ATF6B: variants seen among roughly 807,000 people sequenced by gnomAD.
The protein encoded by ATF6B is cyclic AMP-dependent transcription factor ATF-6 beta.
A neutral mutation model predicts 83.5 loss-of-function variants in ATF6B; 50 were observed. The ratio of observed to expected loss-of-function variants is 0.60; its 90% CI spans 0.48 to 0.76. The LOEUF (loss-of-function observed/expected upper bound fraction) is 0.76. Among genes scored for constraint, ATF6B ranks in the 30% least tolerant of loss-of-function variants. The pLI is 0.00. For missense variants in ATF6B, 790 were observed against 893.8 expected (o/e 0.88, Z 1.48); for synonymous variants, 344 against 362.8 (o/e 0.95, Z 0.59).
At position 32,118,941 on chromosome 6, in the gene ATF6B, A is replaced by C; in HGVS notation, c.1152+15T>G. On this transcript the variant is annotated intron_variant, in intron 10 of 17. Transcript: ENST00000375203. This position sits in a 1 kb window ranked among gnomAD's most constrained non-coding sequence, Gnocchi z 5.2. ...CTGTATTCCTGTTGGTCTCCCAGGG[A>C]CAGACTGGTCTTACTTCAGCCAGCA... is the stretch of plus-strand genomic sequence containing the variant. The C allele has an allele frequency of 6.2e-7, 1 of 1,614,060 alleles. No individual in the cohort carries two copies. Among genetic ancestry groups the C allele is most frequent in the Non-Finnish European group, 8.5e-7 (1 of 1,179,930 alleles).
At position 32,127,150 on chromosome 6, in the gene ATF6B, A is replaced by G. The variant is rs1292946028; in HGVS notation, c.295T>C (p.Ser99Pro). ...SEPSSPCSSS[S>P]LSSESSRLST... ...AGACGCGATGACTCGGAGCTGAGGG[A>G]GGAGGAAGAGCAGGGGGAAGATGGC... Residue 99 changes from serine to proline, a missense_variant, in exon 4 of 18, where the codon TCC becomes CCC. Around this residue, in one of 3 missense-constraint regions of ATF6B, gnomAD observed 253 missense variants for 243.1 expected, o/e 1.04. Coordinates refer to ENST00000375203, the MANE Select transcript of ATF6B (RefSeq NM_004381.5). The G allele has an allele frequency of 1.2e-6, 2 of 1,611,758 alleles. No homozygotes were observed. Among genetic ancestry groups the G allele is most frequent in the South Asian group, 1.1e-5 (1 of 90,256 alleles).
chr6:32,127,545 G>A (rs199548620), intron 2 of ATF6B, 25 bp from the exon 3 acceptor site: 20 of 1,611,178 alleles, frequency 1.2e-5, no homozygotes, highest in East Asian at 2.2e-5. Flanking sequence ...ATACAAGAGG[G>A]CAGGAGTGTG....
chr6:32,117,128 G>A lies in ATF6B; in HGVS notation c.1615-21C>T. 6.2e-7 allele frequency: 1 copy of A among 1,611,926 alleles called. No individual in the cohort carries two copies. The highest frequency in any genetic ancestry group is 8.5e-7 in the Non-Finnish European group (1 of 1,178,086). On this transcript the variant is annotated intron_variant, in intron 14 of 17. Transcript: ENST00000375203. This position sits in a 1 kb window ranked among gnomAD's most constrained non-coding sequence, Gnocchi z 5.0. The stretch of plus-strand genomic sequence containing the variant: ...GACTTCTGGAAGGAGAAGTATCTAA[G>A]GACTTGGAGAGGGTGAAGGGAAAAG...
Position 32,126,106 on chromosome 6 carries a change from TG to T in ATF6B, c.478+10del, listed in dbSNP as rs1562913916. 14 of 1,614,044 alleles carry T rather than the reference TG, an allele frequency of 8.7e-6. No homozygotes were observed. The highest frequency in any genetic ancestry group is 1.2e-5 in the Non-Finnish European group (14 of 1,179,992). ...GTAGAGCCAAGGATTGGGGGCAGGCTGTTTTATTACCTGAGGAATCATCAGA... is the reference window on the plus strand; with the variant it reads ...GTAGAGCCAAGGATTGGGGGCAGGCTTTTTATTACCTGAGGAATCATCAGA... On this transcript the variant is annotated intron_variant, in intron 5 of 17. Transcript: ENST00000375203.
rs1337409147 is a variant in ATF6B, at chr6:32,115,741, A to G, written c.2110T>C (p.Ter704ArgextTer8). ...TAAGTCAGTGTGAATGGCAGAGGTC[A>G]GGGATGATTGAGGTAGAGGGGCTGG... ...SHQPLYLNHP* is the reference protein window; with the variant it reads ...SHQPLYLNHPR The change falls in exon 18 of 18, where the codon TGA becomes CGA. Residue 704 changes from the stop codon to arginine, a stop_lost. Coordinates refer to ENST00000375203, the MANE Select transcript of ATF6B (RefSeq NM_004381.5). 1 of 1,595,168 alleles carries G rather than the reference A, an allele frequency of 6.3e-7. No homozygotes were observed. Among genetic ancestry groups the G allele is most frequent in the Non-Finnish European group, 8.5e-7 (1 of 1,170,228 alleles).
rs1163017591 is a variant in ATF6B, at chr6:32,119,263, A to G, written c.967-122T>C. ...GGCCATTCCCCTGCCTTCCTGACCC[A>G]CCTACATAGCCAGAGAGGTTTTTCC... On this transcript the variant is annotated intron_variant, in intron 9 of 17. Coordinates refer to ENST00000375203, the MANE Select transcript of ATF6B (RefSeq NM_004381.5). This position sits in a 1 kb window ranked among gnomAD's most constrained non-coding sequence, Gnocchi z 4.9. The G allele has an allele frequency of 1.7e-6, 2 of 1,191,102 alleles. No homozygotes were observed. Among genetic ancestry groups the G allele is most frequent in the Admixed American group, 2.9e-5 (1 of 34,774 alleles). 73.8% of individuals were successfully genotyped at this position (1,191,102 alleles called of 1,614,324 possible).
rs1781980583 is a variant in ATF6B at position 32,126,340 on chromosome 6, T to C, written c.343-88A>G. ...ACAGTAAGAGCGAGAACAAAAGCTT[T>C]AGAAGTTTAGGGCTTACAAGCCATC... On this transcript the variant is annotated intron_variant, in intron 4 of 17. Coordinates refer to ENST00000375203, the MANE Select transcript of ATF6B (RefSeq NM_004381.5). 5 of 1,487,220 alleles carry C rather than the reference T, an allele frequency of 3.4e-6. No individual in the cohort carries two copies. The East Asian group carries it at 7.2e-5, about 21-fold the overall frequency. The allele number at this position is 1,487,220 out of a possible 1,614,324, so 92.1% of individuals were successfully genotyped here.
rs747553495 is a variant in ATF6B at position 32,127,161 on chromosome 6, CA to C, written c.283del (p.Cys95AlafsTer24). On this transcript the variant is annotated frameshift_variant, in exon 4 of 18. Transcript: ENST00000375203. LOFTEE classifies it high-confidence loss of function. ...LQVKSEPSSP[C>X]SSSSLSSESS... is the part of the protein sequence containing the mutation. ...CTCGGAGCTGAGGGAGGAGGAAGAGCAGGGGGAAGATGGCTCAGACTTCACC... is the reference window on the plus strand; with the variant it reads ...CTCGGAGCTGAGGGAGGAGGAAGAGCGGGGGAAGATGGCTCAGACTTCACC... 2.5e-6 allele frequency: 4 copies of C among 1,611,670 alleles called. No homozygotes were observed. Among genetic ancestry groups the C allele is most frequent in the Non-Finnish European group, 3.4e-6 (4 of 1,179,260 alleles).
At chr6:32,126,386 T>TACCATTCAGACCA in intron 4 of ATF6B, 134 bp from the exon 5 acceptor site, 10 of 1,058,134 alleles carry the variant, frequency 9.5e-6, no homozygotes, top group South Asian at 1.7e-5. Context: ...CATTCTGGTC[T>TACCATTCAGACCA]GAATGGTACT....
In ATF6B at chr6:32,119,132, G is replaced by A. The variant is rs552869722; in HGVS notation, c.976C>T (p.Leu326=). ...SCPPEVDAKL[L]KRQQRMIKNR... ...TTGATCATTCGCTGCTGCCGCTTCAGCAGCTTTGCCTAGGCACCCGGAAGG... is the reference window on the plus strand; with the variant it reads ...TTGATCATTCGCTGCTGCCGCTTCAACAGCTTTGCCTAGGCACCCGGAAGG... The change falls in exon 10 of 18, where the codon CTG becomes TTG. Residue 326 remains leucine (L), a synonymous_variant. Coordinates refer to ENST00000375203, the MANE Select transcript of ATF6B (RefSeq NM_004381.5). The surrounding 1 kb of genome is among the most constrained non-coding windows in gnomAD (Gnocchi z 4.9). 18 of 1,610,450 alleles carry A rather than the reference G, an allele frequency of 1.1e-5. No homozygotes were observed. The African/African-American group carries it at 1.3e-4, about 12-fold the overall frequency.
rs907615632 is a variant in ATF6B at position 32,119,079 on chromosome 6, C to T, written c.1029G>A (p.Arg343=). The T allele has an allele frequency of 5.0e-6, 8 of 1,613,738 alleles. No individual in the cohort carries two copies. Among genetic ancestry groups the T allele is most frequent in the Non-Finnish European group, 3.4e-6 (4 of 1,179,982 alleles). ...IKNRESACQS[R]RKKKEYLQGL... is the part of the protein sequence containing the mutation. The stretch of plus-strand genomic sequence containing the variant: ...CCTGCAGATACTCTTTCTTCTTTCT[C>T]CGGGACTGGCAGGCTGACTCCCGGT... Residue 343 remains arginine (R), a synonymous_variant, in exon 10 of 18, where the codon CGG becomes CGA. Transcript: ENST00000375203. This position sits in a 1 kb window ranked among gnomAD's most constrained non-coding sequence, Gnocchi z 4.9.
chr6:32,115,943 C>T lies in ATF6B; in HGVS notation c.1908G>A (p.Pro636=), dbSNP rs755672195. The change falls in exon 18 of 18, where the codon CCG becomes CCA. Residue 636 remains proline (P), a synonymous_variant. Transcript: ENST00000375203. ...TCTGCATCATCTCCTCATAGTCCCC[C>T]GGGGCCCCACGGCCTGACAGGGTCT... ...PNETLSGRGA[P]GDYEEMMQIE... 26 of 1,613,672 alleles carry T rather than the reference C, an allele frequency of 1.6e-5. No individual in the cohort carries two copies. The highest frequency in any genetic ancestry group is 1.6e-4 in the Middle Eastern group (1 of 6,080).
Position 32,118,003 on chromosome 6 carries a change from CGAG to C in ATF6B, c.1277_1279del (p.Pro426del). On this transcript the variant is annotated inframe_deletion, in exon 12 of 18. Coordinates refer to ENST00000375203, the MANE Select transcript of ATF6B (RefSeq NM_004381.5). This position sits in a 1 kb window ranked among gnomAD's most constrained non-coding sequence, Gnocchi z 5.2. ...GGGTTGAGGCTCCCCCTTGTTCATC[CGAG>C]GAGAGATGGGAGCTGAAGGAGGCTC... 1 of 1,614,060 alleles carries C rather than the reference CGAG, an allele frequency of 6.2e-7. No homozygotes were observed. Among genetic ancestry groups the C allele is most frequent in the Non-Finnish European group, 8.5e-7 (1 of 1,180,012 alleles).
chr6:32,115,710 C>T lies in ATF6B; in HGVS notation c.*29G>A. 1 of 1,531,670 alleles carries T rather than the reference C, an allele frequency of 6.5e-7. No individual in the cohort carries two copies. Among genetic ancestry groups the T allele is most frequent in the Non-Finnish European group, 8.8e-7 (1 of 1,132,794 alleles). The allele number at this position is 1,531,670 out of a possible 1,614,324, so 94.9% of individuals were successfully genotyped here. A position where few individuals can be genotyped will look rare whatever the true frequency, so the allele number is the denominator to read the frequency against. On this transcript the variant is annotated 3_prime_UTR_variant, in exon 18 of 18. Coordinates refer to ENST00000375203, the MANE Select transcript of ATF6B (RefSeq NM_004381.5). The stretch of plus-strand genomic sequence containing the variant: ...CCTGGCCACCTGGTACCCCCTCCCC[C>T]CGTTCTAAGTCAGTGTGAATGGCAG...
intron 8 of ATF6B, 27 bp downstream of exon 8, chr6:32,120,744 C>T: frequency 6.2e-7 from 1 of 1,605,642 alleles, no homozygotes; most frequent in Non-Finnish European, 8.5e-7. Flanking sequence ...AGCCACCATG[C>T]CCGGCCCTTT....
chr6:32,121,331 C>T lies in ATF6B; in HGVS notation c.496G>A (p.Glu166Lys). 6.2e-7 allele frequency: 1 copy of T among 1,613,992 alleles called. No homozygotes were observed. Among genetic ancestry groups the T allele is most frequent in the African/African-American group, 1.3e-5 (1 of 75,008 alleles). Residue 166 changes from glutamate to lysine, a missense_variant, in exon 6 of 18, where the codon GAA (glutamate) becomes AAA (lysine). Coordinates refer to ENST00000375203, the MANE Select transcript of ATF6B (RefSeq NM_004381.5). ...ACGGAAGAACATGGAGAGACAGGTT[C>T]TATCTTGGTCTGGACATCTGTGGGA... ...DDSSDVQTKI[E>K]PVSPCSSVNS...
rs1052583275 is a variant in ATF6B at position 32,121,409 on chromosome 6, G to C, written c.479-61C>G. ...ATGTAAACACTGAAGGGTTAAGAGG[G>C]TTAAGATGGGAGGCTGGGCATGGTG... On this transcript the variant is annotated intron_variant, in intron 5 of 17. Transcript: ENST00000375203. 10 of 1,511,216 alleles carry C rather than the reference G, an allele frequency of 6.6e-6. 1 individual carries two copies. Among genetic ancestry groups the C allele is most frequent in the Non-Finnish European group, 9.1e-6 (10 of 1,096,294 alleles). 93.6% of individuals were successfully genotyped at this position (1,511,216 alleles called of 1,614,324 possible). A position where few individuals can be genotyped will look rare whatever the true frequency, so the allele number is the denominator to read the frequency against.
chr6:32,116,854 C>T lies in ATF6B; in HGVS notation c.1686-39G>A, dbSNP rs779020679. 5.6e-6 allele frequency: 9 copies of T among 1,600,864 alleles called. No homozygotes were observed. In the South Asian group the frequency reaches 9.9e-5, roughly 18 times the overall value. On this transcript the variant is annotated intron_variant, in intron 15 of 17. Coordinates refer to ENST00000375203, the MANE Select transcript of ATF6B (RefSeq NM_004381.5). This position sits in a 1 kb window ranked among gnomAD's most constrained non-coding sequence, Gnocchi z 5.1. ...GAAACAGGATTTGAGGGGAACTAAGCCCAATGCTCAGTTTCTACCAGGGAA... is the reference window on the plus strand; with the variant it reads ...GAAACAGGATTTGAGGGGAACTAAGTCCAATGCTCAGTTTCTACCAGGGAA...
In ATF6B at chr6:32,120,789, G is replaced by C. The variant is rs777661125; in HGVS notation, c.814C>G (p.Leu272Val). The C allele has an allele frequency of 6.2e-7, 1 of 1,610,680 alleles. No individual in the cohort carries two copies. Among genetic ancestry groups the C allele is most frequent in the East Asian group, 2.2e-5 (1 of 44,658 alleles). Reference protein sequence around the residue: ...PPSTTVLLQSLVQPPPVSPVV... With the variant: ...PPSTTVLLQSVVQPPPVSPVV... ...TCAGTACCTGGGGGTGGCTGGACGA[G>C]GGACTGCAGAAGGACTGTGGTGCTG... is the stretch of plus-strand genomic sequence containing the variant. The change falls in exon 8 of 18, where the codon CTC becomes GTC. Residue 272 changes from leucine to valine, a missense_variant. Physicochemically the swap from Leu to Val is conservative, Grantham distance 32. This residue lies in a region of ATF6B where 530 missense variants were observed against 632.6 expected (regional missense o/e 0.84). Coordinates refer to ENST00000375203, the MANE Select transcript of ATF6B (RefSeq NM_004381.5).
Sources: gnomAD v4.1 joint callset for allele counts on GRCh38, gnomAD v4.1.1 for gene constraint, gnomAD v4.1.1 regional missense constraint, Gnocchi (gnomAD v3.1) non-coding constraint, MANE v1.5 for transcripts, NCBI Gene and HGNC (gene_info 2026-07-23, HGNC 2026-07-21) for gene names.